The following ZNF426 variants were observed in gnomAD, a reference collection of about 807,000 sequenced individuals.
ZNF426 encodes zinc finger protein 426.
ZNF426 carries 23 observed loss-of-function variants against 24.0 expected under a neutral mutation model. The ratio of observed to expected loss-of-function variants is 0.96; its 90% CI spans 0.69 to 1.36. ZNF426 has a LOEUF of 1.36. Among genes scored for constraint, ZNF426 ranks in the 40% most tolerant of loss-of-function variants. ZNF426 has a pLI of 0.00. For synonymous variants in ZNF426, 272 were observed against 224.6 expected, an observed-to-expected ratio of 1.21 and a Z score of -1.89; for missense variants, 646 against 658.4, an observed-to-expected ratio of 0.98 and a Z score of 0.21.
At position 9,524,848 on chromosome 19, in the gene ZNF426, T is replaced by C. The variant is rs2073775778; in HGVS notation, c.*3532A>G. The C allele has an allele frequency of 6.6e-6, 1 of 151,848 alleles. No individual in the cohort carries two copies. The highest frequency in any genetic ancestry group is 2.4e-5 in the African/African-American group (1 of 41,374). The allele number at this position is 151,848 out of a possible 1,614,324, so 9.4% of individuals were successfully genotyped here. On this transcript the variant is annotated 3_prime_UTR_variant, in exon 8 of 8. Coordinates refer to ENST00000253115, the MANE Select transcript of ZNF426 (RefSeq NM_024106.3). Reference sequence around the variant, plus strand: ...ATACTACTTATATTCACAGGGTTTCTTTACCATGTGAGTTCATATACTTGA... The same window carrying C: ...ATACTACTTATATTCACAGGGTTTCCTTACCATGTGAGTTCATATACTTGA...
At chr19:9,536,463 G>A in intron 2 of ZNF426, 107 bp from the exon 3 acceptor site, 1 of 1,125,586 alleles carries the variant, frequency 8.9e-7, no homozygotes. Flanking sequence ...CATTTTGGGA[G>A]GCCAGGGTGG....
rs2073825354 is a variant in ZNF426 at position 9,528,498 on chromosome 19, G to C, written c.1547C>G (p.Ser516Cys). The C allele has an allele frequency of 6.2e-7, 1 of 1,613,992 alleles. No individual in the cohort carries two copies. Among genetic ancestry groups the C allele is most frequent in the Non-Finnish European group, 8.5e-7 (1 of 1,180,020 alleles). The change falls in exon 8 of 8, where the codon TCC becomes TGC. Residue 516 changes from serine to cysteine, a missense_variant. Coordinates refer to ENST00000253115, the MANE Select transcript of ZNF426 (RefSeq NM_024106.3). ...CKECGKAFTCSSSFRIHEKTH... is the reference protein window; with the variant it reads ...CKECGKAFTCCSSFRIHEKTH... ...TTTTTCATGAATTCTAAAGGAACTG[G>C]AACACGTGAAGGCTTTCCCACACTC...
At position 9,528,114 on chromosome 19, in the gene ZNF426, A is replaced by C; in HGVS notation, c.*266T>G. The C allele has an allele frequency of 3.2e-6, 1 of 310,794 alleles. No homozygotes were observed. The highest frequency in any genetic ancestry group is 4.7e-5 in the South Asian group (1 of 21,264). The allele number at this position is 310,794 out of a possible 1,614,324, so 19.3% of individuals were successfully genotyped here. On this transcript the variant is annotated 3_prime_UTR_variant, in exon 8 of 8. Transcript: ENST00000253115. Reference sequence around the variant, plus strand: ...AGTGATTCACTTGCCTCAGCCTCCCAAGTAGCTGGGATTACAGGTGCCCAC... The same window carrying C: ...AGTGATTCACTTGCCTCAGCCTCCCCAGTAGCTGGGATTACAGGTGCCCAC...
At chr19:9,537,451 CT>C (rs199870394) in intron 2 of ZNF426, among the ~76,000 whole-genome samples, 416 of 137,878 alleles carry the variant, frequency 3.0e-3, no homozygotes, top group African/African-American at 8.2e-3. Context: ...ATATTTAACT[CT>C]TTTTTTTTTT....
chr19:9,524,649 T>G lies in ZNF426; in HGVS notation c.*3731A>C, dbSNP rs2073773316. On this transcript the variant is annotated 3_prime_UTR_variant, in exon 8 of 8. Coordinates refer to ENST00000253115, the MANE Select transcript of ZNF426 (RefSeq NM_024106.3). ...ATACAAAATTAGCTGGGCATGGTGG[T>G]ACATGCCTGTAATCCCAGCTACTTG... The G allele has an allele frequency of 6.6e-6, 1 of 151,968 alleles. No individual in the cohort carries two copies. The highest frequency in any genetic ancestry group is 6.6e-5 in the Admixed American group (1 of 15,244). The allele number at this position is 151,968 out of a possible 1,614,324, so 9.4% of individuals were successfully genotyped here.
chr19:9,535,835 GA>G (rs1214992506), intron 3 of ZNF426, among the ~76,000 whole-genome samples: 1,982 of 102,788 alleles, frequency 0.019, 42 homozygotes, highest in African/African-American at 0.059. Context: ...CTTTGTATAA[GA>G]AAAAAAAAAA....
At chr19:9,536,128 C>T in intron 3 of ZNF426, 80 bp downstream of exon 3, 1 of 1,586,820 alleles carries the variant, frequency 6.3e-7, no homozygotes. Flanking sequence ...GCAACATGAC[C>T]AGCTGCCCAA....
rs763506198 is a variant in ZNF426, at chr19:9,528,473, T to C, written c.1572A>G (p.Lys524=). ...TATAGGGTTTCTCTTCTGTGTGAGT[T>C]TTTTCATGAATTCTAAAGGAACTGG... The part of the protein sequence containing the change: ...TCSSSFRIHE[K]THTEEKPYKC... The change falls in exon 8 of 8, where the codon AAA becomes AAG. Residue 524 remains lysine, a synonymous_variant. Transcript: ENST00000253115. The C allele has an allele frequency of 9.3e-6, 15 of 1,613,916 alleles. No homozygotes were observed. The highest frequency in any genetic ancestry group is 2.2e-5 in the East Asian group (1 of 44,886).
At position 9,529,596 on chromosome 19, in the gene ZNF426, T is replaced by C. The variant is rs755290191; in HGVS notation, c.449A>G (p.Gln150Arg). The C allele has an allele frequency of 9.4e-6, 15 of 1,604,126 alleles. No homozygotes were observed. The highest frequency in any genetic ancestry group is 1.2e-5 in the Non-Finnish European group (14 of 1,179,292). The change falls in exon 8 of 8, where the codon CAA (glutamine) becomes CGA (arginine). Residue 150 changes from glutamine (Q) to arginine (R), a missense_variant. By Grantham distance (43) the Gln-to-Arg change is conservative. Coordinates refer to ENST00000253115, the MANE Select transcript of ZNF426 (RefSeq NM_024106.3). ...HNGRELCDCEQCGEVFSEHSC... is the reference protein window; with the variant it reads ...HNGRELCDCERCGEVFSEHSC... ...GTGTTCACTGAAGACTTCTCCACAT[T>C]GCTCACAGTCACAGAGTTCCCTTCC...
In ZNF426 at chr19:9,528,580, T is replaced by G; in HGVS notation, c.1465A>C (p.Ser489Arg). Residue 489 changes from serine (S) to arginine (R), a missense_variant, in exon 8 of 8, where the codon AGT becomes CGT. Transcript: ENST00000253115. Reference protein sequence around the residue: ...KQCGKAFSHSSSFQIHERTHT... With the variant: ...KQCGKAFSHSRSFQIHERTHT... Reference sequence around the variant, plus strand: ...GTCCTTTCATGTATTTGAAATGAACTGGAATGACTGAAGGCCTTTCCACAT... The same window carrying G: ...GTCCTTTCATGTATTTGAAATGAACGGGAATGACTGAAGGCCTTTCCACAT... The G allele has an allele frequency of 2.5e-6, 4 of 1,613,696 alleles. No homozygotes were observed. The highest frequency in any genetic ancestry group is 3.4e-6 in the Non-Finnish European group (4 of 1,179,914).
Position 9,523,553 on chromosome 19 carries a change from G to A in ZNF426, c.*4827C>T, listed in dbSNP as rs2073763007. On this transcript the variant is annotated 3_prime_UTR_variant, in exon 8 of 8. Transcript: ENST00000253115. ...AGGTCCCAGGGATGAAAGCCTTAAT[G>A]TTAATGAGTGGATGGGACATGTGAC... The A allele has an allele frequency of 6.6e-6, 1 of 152,206 alleles. No homozygotes were observed. The highest frequency in any genetic ancestry group is 2.4e-5 in the African/African-American group (1 of 41,452). 9.4% of individuals were successfully genotyped at this position (152,206 alleles called of 1,614,324 possible).
Position 9,528,535 on chromosome 19 carries a change from A to G in ZNF426, c.1510T>C (p.Tyr504His). 1 of 1,614,174 alleles carries G rather than the reference A, an allele frequency of 6.2e-7. No individual in the cohort carries two copies. Among genetic ancestry groups the G allele is most frequent in the Non-Finnish European group, 8.5e-7 (1 of 1,180,020 alleles). Residue 504 changes from tyrosine (Y) to histidine (H), a missense_variant, in exon 8 of 8, where the codon TAT becomes CAT. By Grantham distance (83) the Tyr-to-His change is moderately conservative (BLOSUM62 2). Transcript: ENST00000253115. ...GCTTTCCCACACTCCTTGCATTCATAGGGTTTCTCTCCAGTGTGAGTCCTT... is the reference window on the plus strand; with the variant it reads ...GCTTTCCCACACTCCTTGCATTCATGGGGTTTCTCTCCAGTGTGAGTCCTT... ...HERTHTGEKP[Y>H]ECKECGKAFT... is the part of the protein sequence containing the mutation.
At chr19:9,537,239 A>T (rs1403466765) in intron 2 of ZNF426, among the ~76,000 whole-genome samples, 2 of 152,114 alleles carry the variant, frequency 1.3e-5, no homozygotes, top group Non-Finnish European at 2.9e-5. Flanking sequence ...AAACAGTGAA[A>T]GTTCCGCAGT....
Position 9,528,953 on chromosome 19 carries a change from A to T in ZNF426, c.1092T>A (p.Tyr364Ter), listed in dbSNP as rs775392519. 4 of 1,613,968 alleles carry T rather than the reference A, an allele frequency of 2.5e-6. No individual in the cohort carries two copies. The South Asian group carries it at 4.4e-5, about 18-fold the overall frequency. The change falls in exon 8 of 8, where the codon TAT becomes TAA. Residue 364 changes from tyrosine (Y) to a stop codon, truncating the protein, a stop_gained. Transcript: ENST00000253115. LOFTEE classifies it low-confidence loss of function (END_TRUNC). ...HVRSHSGDKP[Y>*]ECKECGKSFL... The stretch of plus-strand genomic sequence containing the variant: ...AGGATTTCCCACATTCCTTACATTC[A>T]TAGGGCTTGTCTCCACTGTGAGATC...
At chr19:9,530,660 G>A (rs753533702) in intron 7 of ZNF426, among the ~76,000 whole-genome samples, 1 of 151,896 alleles carries the variant, frequency 6.6e-6, no homozygotes, top group Non-Finnish European at 1.5e-5. Flanking sequence ...TACCAAGGGA[G>A]GCTGAGGTGG....
In ZNF426 at chr19:9,532,933, C is replaced by G; in HGVS notation, c.245-8G>C. The G allele has an allele frequency of 1.2e-6, 2 of 1,604,784 alleles. No individual in the cohort carries two copies. Among genetic ancestry groups the G allele is most frequent in the East Asian group, 4.5e-5 (2 of 44,832 alleles). On this transcript the variant is annotated splice_polypyrimidine_tract_variant and splice_region_variant and intron_variant, in intron 5 of 7. Coordinates refer to ENST00000253115, the MANE Select transcript of ZNF426 (RefSeq NM_024106.3). Reference sequence around the variant, plus strand: ...GTTTGATGATCTGACCTCCTGAGCACAGAGAAATACATTAATGGAAGAGGC... The same window carrying G: ...GTTTGATGATCTGACCTCCTGAGCAGAGAGAAATACATTAATGGAAGAGGC...
chr19:9,534,723 T>C (rs1599718027), intron 4 of ZNF426, among the ~76,000 whole-genome samples: 1 of 152,180 alleles, frequency 6.6e-6, no homozygotes, highest in African/African-American at 2.4e-5. Context: ...GCCTCCAAAG[T>C]AGCTGGGAGT....
Position 9,538,360 on chromosome 19 carries a change from T to A in ZNF426, c.-211-15A>T, listed in dbSNP as rs974554144. ...CAATTATTTTCCTGCCGGAAAAAAA[T>A]TCACAAACGCTGCTTTGGAGGCCTT... On this transcript the variant is annotated splice_polypyrimidine_tract_variant and intron_variant, in intron 1 of 7. Transcript: ENST00000253115. 2 of 152,032 alleles carry A rather than the reference T, an allele frequency of 1.3e-5. No individual in the cohort carries two copies. The highest frequency in any genetic ancestry group is 2.9e-5 in the Non-Finnish European group (2 of 68,010). 9.4% of individuals were successfully genotyped at this position (152,032 alleles called of 1,614,324 possible).
rs377594816 is a variant in ZNF426 at position 9,533,882 on chromosome 19, T to C, written c.202A>G (p.Ser68Gly). ...TTGTAGTTCTCCAGCATCACGTCAC[T>C]GTAGAGGCTTCTCTGAGTTGAGTCC... is the stretch of plus-strand genomic sequence containing the variant. ...LLDSTQRSLY[S>G]DVMLENYKNL... Residue 68 changes from serine (S) to glycine (G), a missense_variant, in exon 5 of 8, where the codon AGT (serine) becomes GGT (glycine). Ser to Gly is a moderately conservative substitution (Grantham distance 56, BLOSUM62 0). Transcript: ENST00000253115. The C allele has an allele frequency of 1.2e-5, 19 of 1,614,172 alleles. No individual in the cohort carries two copies. The highest frequency in any genetic ancestry group is 1.6e-5 in the Non-Finnish European group (19 of 1,180,016).
Sources: gnomAD v4.1 joint callset for allele counts (sites outside exome capture counted in the v4.1 genomes callset) on GRCh38, gnomAD v4.1.1 for gene constraint, MANE v1.5 for transcripts, NCBI Gene and HGNC (gene_info 2026-07-23, HGNC 2026-07-21) for gene names.